The following SETD5 variants were observed in gnomAD, a reference collection of about 807,000 sequenced individuals.
The protein encoded by SETD5 is SET domain containing 5, also known as histone-lysine N-methyltransferase SETD5.
SETD5 carries 44 observed loss-of-function variants against 153.3 expected under a neutral mutation model. The observed-to-expected ratio is 0.29, with a 90% CI of 0.23 to 0.37. The LOEUF (loss-of-function observed/expected upper bound fraction) is 0.37. SETD5 is among the 10% of genes least tolerant of loss of function. SETD5 has a pLI of 1.00. For synonymous variants in SETD5, 716 were observed against 645.2 expected (o/e 1.11, Z -1.66); for missense variants, 1,544 against 1,768.0 (o/e 0.87, Z 2.27).
At chr3:9,468,105 G>A (rs923912196) in intron 18 of SETD5, among the ~76,000 whole-genome samples, 4 of 150,984 alleles carry the variant, frequency 2.6e-5, no homozygotes, top group Non-Finnish European at 5.9e-5. Context: ...AGCAGAAGAG[G>A]CATTGGATGA....
chr3:9,418,291 C>T (rs907898605), intron 1 of SETD5, among the ~76,000 whole-genome samples: 56 of 152,280 alleles, frequency 3.7e-4, no homozygotes, highest in African/African-American at 1.3e-3. Context: ...AGTCAGACCT[C>T]TACAGATGCC....
chr3:9,405,945 T>C (rs1358624332), intron 1 of SETD5, among the ~76,000 whole-genome samples: 2 of 152,230 alleles, frequency 1.3e-5, no homozygotes, highest in African/African-American at 4.8e-5. Context: ...ACAGTTTCTG[T>C]GAAGTAGGAT....
intron 22 of SETD5, 26 bp from the exon 23 acceptor site, chr3:9,475,457 A>AAGGAAACAAAG (rs1158752810): frequency 6.3e-7 from 1 of 1,591,642 alleles, no homozygotes. Context: ...TCGCGTCCTT[A>AAGGAAACAAAG]TTCGTTTCCT....
chr3:9,417,942 GTT>G (rs777339095), intron 1 of SETD5, among the ~76,000 whole-genome samples: 2 of 128,788 alleles, frequency 1.6e-5, no homozygotes, highest in Non-Finnish European at 3.3e-5. Flanking sequence ...CAAGAGTTTT[GTT>G]TTTTTTTTTT....
chr3:9,442,331 T>TA (rs1164378219), intron 10 of SETD5, 86 bp downstream of exon 10: 1 of 925,842 alleles, frequency 1.1e-6, no homozygotes, highest in Non-Finnish European at 1.7e-6. Flanking sequence ...TTCACTCAGA[T>TA]AAAGGTCTGT....
At chr3:9,419,166 T>C (rs1320376462) in intron 1 of SETD5, among the ~76,000 whole-genome samples, 2 of 152,202 alleles carry the variant, frequency 1.3e-5, no homozygotes, top group Non-Finnish European at 2.9e-5. Context: ...GTTGTATAAA[T>C]GCAGTACTTG....
rs202008574 is a variant in SETD5, at chr3:9,464,414, G to A, written c.2477-11G>A. ...GGTTTCAAACTCTCATCCAAGCTTT[G>A]TGTTTCACAGACTTGTTGAGCCCAT... is the stretch of plus-strand genomic sequence containing the variant. On this transcript the variant is annotated splice_polypyrimidine_tract_variant and intron_variant, in intron 17 of 22. Coordinates refer to ENST00000402198, the MANE Select transcript of SETD5 (RefSeq NM_001080517.3). The A allele has an allele frequency of 6.2e-7, 1 of 1,602,248 alleles. No individual in the cohort carries two copies. The highest frequency in any genetic ancestry group is 1.3e-5 in the African/African-American group (1 of 74,708).
chr3:9,407,362 C>G (rs2035865315), intron 1 of SETD5, among the ~76,000 whole-genome samples: 1 of 151,916 alleles, frequency 6.6e-6, no homozygotes, highest in Non-Finnish European at 1.5e-5. Context: ...ACTGTAGATG[C>G]CACTCTTACT....
At chr3:9,429,052 G>T in intron 3 of SETD5, 43 bp downstream of exon 3, 3 of 1,425,188 alleles carry the variant, frequency 2.1e-6, no homozygotes, top group Non-Finnish European at 3.0e-6. Flanking sequence ...ATCAGTCTGT[G>T]TGGAGACAGC....
rs760921071 is a variant in SETD5, at chr3:9,477,022, T to C, written c.*931T>C. The C allele has an allele frequency of 6.6e-6, 1 of 152,642 alleles. No individual in the cohort carries two copies. Among genetic ancestry groups the C allele is most frequent in the Non-Finnish European group, 1.5e-5 (1 of 68,054 alleles). 9.5% of individuals were successfully genotyped at this position (152,642 alleles called of 1,614,324 possible). ...AATTAATCAGGAGTTGATGATCCCA[T>C]GAGCAGGACCGCCTCCATGATTGGG... On this transcript the variant is annotated 3_prime_UTR_variant, in exon 23 of 23. Coordinates refer to ENST00000402198, the MANE Select transcript of SETD5 (RefSeq NM_001080517.3).
chr3:9,421,111 A>C (rs1025616456), intron 1 of SETD5, among the ~76,000 whole-genome samples: 1 of 151,504 alleles, frequency 6.6e-6, no homozygotes, highest in Non-Finnish European at 1.5e-5. Context: ...GAGACATTCT[A>C]TGAATTGCCT....
At chr3:9,454,309 A>G (rs927568973) in intron 17 of SETD5, among the ~76,000 whole-genome samples, 4 of 152,182 alleles carry the variant, frequency 2.6e-5, no homozygotes, top group African/African-American at 4.8e-5. Flanking sequence ...AGGGGCTTGT[A>G]TAATTAGCAT....
Position 9,475,572 on chromosome 3 carries a change from A to G in SETD5, c.3810A>G (p.Pro1270=). 6.2e-7 allele frequency: 1 copy of G among 1,613,916 alleles called. No individual in the cohort carries two copies. The highest frequency in any genetic ancestry group is 8.5e-7 in the Non-Finnish European group (1 of 1,179,874). ...SPFRGHPTQS[P]GYSYRTTALR... ...TCAGAGGACATCCTACACAGTCTCC[A>G]GGATACAGTTATCGAACTACTGCAC... Residue 1270 remains proline, a synonymous_variant, in exon 23 of 23, where the codon CCA becomes CCG. Coordinates refer to ENST00000402198, the MANE Select transcript of SETD5 (RefSeq NM_001080517.3).
chr3:9,423,565 T>C (rs2038729157), intron 1 of SETD5, among the ~76,000 whole-genome samples: 1 of 152,240 alleles, frequency 6.6e-6, no homozygotes, highest in Non-Finnish European at 1.5e-5. Flanking sequence ...CTTGATTTAC[T>C]TTATTTCTTC....
chr3:9,448,152 A>G (rs2042229267), intron 15 of SETD5, 146 bp downstream of exon 15: 1 of 1,146,742 alleles, frequency 8.7e-7, no homozygotes, highest in South Asian at 1.7e-5. Flanking sequence ...GGCTGGAGTC[A>G]TCCTGCTACC....
chr3:9,456,335 G>A (rs1297072837), intron 17 of SETD5, among the ~76,000 whole-genome samples: 1 of 151,994 alleles, frequency 6.6e-6, no homozygotes, highest in Non-Finnish European at 1.5e-5. Context: ...AATTAGCTGG[G>A]CCTGGTCACG....
rs2045744795 is a variant in SETD5, at chr3:9,475,251, A to G, written c.3720+95A>G. ...TTTGCCATTGAGATGCTGTCTTTGC[A>G]TATAGTTTCAGCAGCCTTGGAAATA... is the stretch of plus-strand genomic sequence containing the variant. On this transcript the variant is annotated intron_variant, in intron 22 of 22. Coordinates refer to ENST00000402198, the MANE Select transcript of SETD5 (RefSeq NM_001080517.3). The G allele has an allele frequency of 7.9e-6, 10 of 1,273,480 alleles. No individual in the cohort carries two copies. In the Admixed American group the frequency reaches 2.3e-4, roughly 29 times the overall value. The allele number at this position is 1,273,480 out of a possible 1,614,324, so 78.9% of individuals were successfully genotyped here. A position where few individuals can be genotyped will look rare whatever the true frequency, so the allele number is the denominator to read the frequency against.
chr3:9,447,362 TA>T, intron 14 of SETD5, 55 bp downstream of exon 14: 1 of 1,551,948 alleles, frequency 6.4e-7, no homozygotes, highest in Non-Finnish European at 8.7e-7. Flanking sequence ...CTAATGTCAA[TA>T]CCTAACTTTT....
chr3:9,466,302 A>G (rs1434871247), intron 18 of SETD5, among the ~76,000 whole-genome samples: 2 of 151,636 alleles, frequency 1.3e-5, no homozygotes, highest in Admixed American at 6.6e-5. Flanking sequence ...AAAAAAAAAA[A>G]AAAAAAAGAA....
Sources: gnomAD v4.1 joint callset for allele counts (sites outside exome capture counted in the v4.1 genomes callset) on GRCh38, gnomAD v4.1.1 for gene constraint, MANE v1.5 for transcripts, NCBI Gene and HGNC (gene_info 2026-07-23, HGNC 2026-07-21) for gene names.